GMEB1: variants seen among roughly 807,000 people sequenced by gnomAD.
The protein encoded by GMEB1 is glucocorticoid modulatory element binding protein 1.
GMEB1 carries 6 observed loss-of-function variants against 52.4 expected under a neutral mutation model. That is an observed-to-expected ratio of 0.11 (90% CI 0.06 to 0.23). The LOEUF is 0.23. GMEB1 is among the 10% of genes least tolerant of loss of function. The pLI is 1.00. For missense variants in GMEB1, 486 were observed against 685.6 expected (o/e 0.71, Z 3.25); for synonymous variants, 255 against 244.9 (o/e 1.04, Z -0.38).
chr1:28,673,587 G>A (rs1238168947), intron 1 of GMEB1, among the ~76,000 whole-genome samples: 1 of 152,090 alleles, frequency 6.6e-6, no homozygotes, highest in Non-Finnish European at 1.5e-5. Flanking sequence ...ATAGCATCTT[G>A]CCACATTATA....
chr1:28,719,159 C>T lies in GMEB1; in HGVS notation c.*4386C>T, dbSNP rs999762248. On this transcript the variant is annotated 3_prime_UTR_variant, in exon 10 of 10. Transcript: ENST00000373816. The stretch of plus-strand genomic sequence containing the variant: ...CTAGCTGGCAAAGGGTAAATGCCCC[C>T]AAAGCCTTCCTGCCATATGGTTTCC... 4 of 152,228 alleles carry T rather than the reference C, an allele frequency of 2.6e-5. No homozygotes were observed. The allele number at this position is 152,228 out of a possible 1,614,324, so 9.4% of individuals were successfully genotyped here. A position where few individuals can be genotyped will look rare whatever the true frequency, so the allele number is the denominator to read the frequency against.
In GMEB1 at chr1:28,714,440, G is replaced by A; in HGVS notation, c.1359G>A (p.Val453=). The change falls in exon 10 of 10, where the codon GTG becomes GTA. Residue 453 remains valine (V), a synonymous_variant. Coordinates refer to ENST00000373816, the MANE Select transcript of GMEB1 (RefSeq NM_001319674.2). The part of the protein sequence containing the change: ...SSAKSSSPDT[V]TIHPSSSLAL... Reference sequence around the variant, plus strand: ...CCAAGAGCAGCTCACCAGACACAGTGACCATCCACCCTTCATCTAGCTTGG... The same window carrying A: ...CCAAGAGCAGCTCACCAGACACAGTAACCATCCACCCTTCATCTAGCTTGG... The A allele has an allele frequency of 6.2e-7, 1 of 1,614,194 alleles. No individual in the cohort carries two copies. Among genetic ancestry groups the A allele is most frequent in the Non-Finnish European group, 8.5e-7 (1 of 1,180,030 alleles).
rs1031749349 is a variant in GMEB1 at position 28,715,151 on chromosome 1, C to T, written c.*378C>T. ...ATTGACCAAACTCTGGAACACAGAT[C>T]TGACACTGGAAGGCAACCCACTCGC... On this transcript the variant is annotated 3_prime_UTR_variant, in exon 10 of 10. Transcript: ENST00000373816. 1 of 189,404 alleles carries T rather than the reference C, an allele frequency of 5.3e-6. No individual in the cohort carries two copies. The highest frequency in any genetic ancestry group is 2.4e-5 in the African/African-American group (1 of 42,456). 11.7% of individuals were successfully genotyped at this position (189,404 alleles called of 1,614,324 possible).
intron 2 of GMEB1, among the ~76,000 whole-genome samples, chr1:28,688,154 A>T (rs10753329): frequency 0.38 from 57,167 of 151,910 alleles, 12,414 homozygotes; most frequent in East Asian, 0.76. Context: ...GTGGTGGCGC[A>T]TGCCTGTAAT....
chr1:28,709,450 A>T lies in GMEB1; in HGVS notation c.869-1070A>T, dbSNP rs569178868. Among the ~76,000 whole-genome samples the T allele has an allele frequency of 2.5e-4, 38 of 152,334 alleles. 1 individual carries two copies. The South Asian group carries it at 7.9e-3, about 32-fold the overall frequency. ...TTTTAGATGAGAAAAGTGAAGAGTG[A>T]AATGACTTACCAAAGGTTGCACATA... is the stretch of plus-strand genomic sequence containing the variant. On this transcript the variant is annotated intron_variant, in intron 8 of 9. Transcript: ENST00000373816.
At chr1:28,706,545 A>G (rs1446638740) in intron 8 of GMEB1, among the ~76,000 whole-genome samples, 1 of 147,554 alleles carries the variant, frequency 6.8e-6, no homozygotes, top group African/African-American at 2.4e-5. Flanking sequence ...TGGAGGTGGC[A>G]GTGAGTGGAG....
chr1:28,669,661 C>T (rs1486104263), intron 1 of GMEB1, among the ~76,000 whole-genome samples: 4 of 152,068 alleles, frequency 2.6e-5, no homozygotes, highest in Non-Finnish European at 2.9e-5. Flanking sequence ...TACGAAAGAG[C>T]AGCGTCCAAA....
chr1:28,700,096 G>A (rs183170020), intron 6 of GMEB1, among the ~76,000 whole-genome samples: 30 of 151,420 alleles, frequency 2.0e-4, no homozygotes, highest in African/African-American at 6.1e-4. Context: ...TTGGCCGGGT[G>A]CAGCGGCCCA....
rs558935321 is a variant in GMEB1 at position 28,698,102 on chromosome 1, T to C, written c.598+1018T>C. ...TTGCAGTAAGCCGAGATGGCACCAC[T>C]GCACTCCATCCTGGGCAACAGAGTG... On this transcript the variant is annotated intron_variant, in intron 6 of 9. Transcript: ENST00000373816. 3.3e-3 allele frequency among the ~76,000 whole-genome samples: 502 copies of C among 151,674 alleles called. 3 individuals carry two copies. The highest frequency in any genetic ancestry group is 0.012 in the African/African-American group (485 of 41,290).
intron 9 of GMEB1, among the ~76,000 whole-genome samples, chr1:28,712,158 T>C (rs1671087263): frequency 6.6e-6 from 1 of 152,166 alleles, no homozygotes; most frequent in Non-Finnish European, 1.5e-5. Context: ...CAATGTTTAT[T>C]GGGTTTATTA....
intron 1 of GMEB1, among the ~76,000 whole-genome samples, chr1:28,672,115 A>G (rs1392929966): frequency 4.0e-5 from 6 of 151,832 alleles, no homozygotes; most frequent in Non-Finnish European, 5.9e-5. Context: ...TCCGTCTCAA[A>G]AAAAAAATTA....
chr1:28,700,577 CAGA>C (rs1209070556), intron 6 of GMEB1, among the ~76,000 whole-genome samples: 2 of 149,100 alleles, frequency 1.3e-5, no homozygotes, highest in East Asian at 3.9e-4. Context: ...CCCAGCTACT[CAGA>C]AGGATGAGGC....
rs1391437660 is a variant in GMEB1 at position 28,717,919 on chromosome 1, C to G, written c.*3146C>G. Reference sequence around the variant, plus strand: ...CGTGTGTGCATCATGCTTCCAATGTCAAGAGATTTCCTCAAACAGCCTGTT... The same window carrying G: ...CGTGTGTGCATCATGCTTCCAATGTGAAGAGATTTCCTCAAACAGCCTGTT... On this transcript the variant is annotated 3_prime_UTR_variant, in exon 10 of 10. Transcript: ENST00000373816. The G allele has an allele frequency of 6.6e-6, 1 of 152,106 alleles. No individual in the cohort carries two copies. Among genetic ancestry groups the G allele is most frequent in the African/African-American group, 2.4e-5 (1 of 41,422 alleles). The allele number at this position is 152,106 out of a possible 1,614,324, so 9.4% of individuals were successfully genotyped here.
chr1:28,677,794 C>G (rs1226241066), intron 1 of GMEB1, among the ~76,000 whole-genome samples: 1 of 152,072 alleles, frequency 6.6e-6, no homozygotes, highest in African/African-American at 2.4e-5. Flanking sequence ...TTTGGTTCTA[C>G]TGTTGGTAGC....
intron 9 of GMEB1, among the ~76,000 whole-genome samples, chr1:28,713,634 C>T (rs1184213778): frequency 2.0e-5 from 3 of 152,172 alleles, no homozygotes; most frequent in Non-Finnish European, 1.5e-5. Flanking sequence ...TTTGAGTCAC[C>T]AGCAAAGGAG....
chr1:28,702,384 G>A, intron 6 of GMEB1, 54 bp from the exon 7 acceptor site: 1 of 1,498,756 alleles, frequency 6.7e-7, no homozygotes, highest in Non-Finnish European at 9.2e-7. Context: ...ATATAGGATA[G>A]CTATAACTTT....
At chr1:28,704,639 T>C (rs570693079) in intron 8 of GMEB1, among the ~76,000 whole-genome samples, 1 of 151,792 alleles carries the variant, frequency 6.6e-6, no homozygotes, top group Admixed American at 6.6e-5. Flanking sequence ...GGAGTCTCGC[T>C]CTATCGCCTA....
chr1:28,669,000 C>T (rs1290484755), intron 1 of GMEB1, among the ~76,000 whole-genome samples, 161 bp downstream of exon 1: 1 of 139,472 alleles, frequency 7.2e-6, no homozygotes, highest in Non-Finnish European at 1.6e-5. Flanking sequence ...GTGCCGCCGC[C>T]GCCGCCGGGG....
At position 28,717,088 on chromosome 1, in the gene GMEB1, G is replaced by C. The variant is rs967899179; in HGVS notation, c.*2315G>C. 7 of 150,862 alleles carry C rather than the reference G, an allele frequency of 4.6e-5. No homozygotes were observed. In the South Asian group the frequency reaches 1.0e-3, roughly 23 times the overall value. The allele number at this position is 150,862 out of a possible 1,614,324, so 9.3% of individuals were successfully genotyped here. ...TTCAGAAGCCATGTTTCTTCCAACA[G>C]ATGTTGGAAACCCCATCGAGCAAGT... is the stretch of plus-strand genomic sequence containing the variant. On this transcript the variant is annotated 3_prime_UTR_variant, in exon 10 of 10. Coordinates refer to ENST00000373816, the MANE Select transcript of GMEB1 (RefSeq NM_001319674.2).
Sources: gnomAD v4.1 joint callset for allele counts (sites outside exome capture counted in the v4.1 genomes callset) on GRCh38, gnomAD v4.1.1 for gene constraint, MANE v1.5 for transcripts, NCBI Gene and HGNC (gene_info 2026-07-23, HGNC 2026-07-21) for gene names.